TBC1D19: variants seen among roughly 807,000 people sequenced by gnomAD.
TBC1D19 encodes the protein TBC1 domain family, member 19.
Under a neutral mutation model 89.0 loss-of-function variants are expected in TBC1D19, and 60 were observed. The ratio of observed to expected loss-of-function variants is 0.67; its 90% CI spans 0.55 to 0.84. The LOEUF is 0.84. Among genes scored for constraint, TBC1D19 ranks in the 40% least tolerant of loss-of-function variants. TBC1D19 has a pLI of 0.00. For missense variants in TBC1D19, 500 were observed against 610.8 expected, an observed-to-expected ratio of 0.82 and a Z score of 1.91; for synonymous variants, 189 against 199.7, an observed-to-expected ratio of 0.95 and a Z score of 0.45.
At chr4:26,750,849 T>C (rs893112840) in intron 19 of TBC1D19, among the ~76,000 whole-genome samples, 4 of 152,230 alleles carry the variant, frequency 2.6e-5, no homozygotes, top group African/African-American at 9.7e-5. Flanking sequence ...CGTATACTTT[T>C]GGTATGAGTA....
chr4:26,848,752 C>A, the TBC1D19 span, among the ~76,000 whole-genome samples: 1 of 152,176 alleles, frequency 6.6e-6, no homozygotes, highest in African/African-American at 2.4e-5. Flanking sequence ...CCTGTCCCAC[C>A]CATTTCTTCT....
At chr4:26,696,502 G>A (rs909966857) in intron 13 of TBC1D19, among the ~76,000 whole-genome samples, 3 of 152,150 alleles carry the variant, frequency 2.0e-5, no homozygotes, top group African/African-American at 7.2e-5. Flanking sequence ...TCTGCATCAA[G>A]CAGACCTAAC....
intron 13 of TBC1D19, among the ~76,000 whole-genome samples, chr4:26,714,921 T>C (rs965890359): frequency 9.9e-5 from 15 of 152,040 alleles, no homozygotes; most frequent in Admixed American, 6.6e-5. Flanking sequence ...CACTACTCAG[T>C]TGTCTAGGCT....
At chr4:26,788,825 A>G in the TBC1D19 span, among the ~76,000 whole-genome samples, 2 of 152,122 alleles carry the variant, frequency 1.3e-5, no homozygotes, top group Non-Finnish European at 2.9e-5. Flanking sequence ...TCTAGAGACA[A>G]GTATTTGCAG....
Position 26,748,520 on chromosome 4 carries a change from CT to C in TBC1D19, c.1431del (p.Ala478LeufsTer13). On this transcript the variant is annotated frameshift_variant, in exon 19 of 21. Transcript: ENST00000264866. LOFTEE classifies it high-confidence loss of function. ...RILGYNSLEILAVLAAAVFAF... is the reference protein window; with the variant it reads ...RILGYNSLEIXAVLAAAVFAF... ...CCTAGGATACAACTCTCTGGAAATT[CT>C]TGCTGGTAAGAGTAAATGCTTGTTT... 6.2e-7 allele frequency: 1 copy of C among 1,610,422 alleles called. No individual in the cohort carries two copies.
At position 26,666,765 on chromosome 4, in the gene TBC1D19, C is replaced by T. The variant is rs555591079; in HGVS notation, c.664+360C>T. ...AACACTGACGTCTACCTTGAGTCAACTTAGGCTTTAAAAATAGTGTGTTTT... is the reference window on the plus strand; with the variant it reads ...AACACTGACGTCTACCTTGAGTCAATTTAGGCTTTAAAAATAGTGTGTTTT... On this transcript the variant is annotated intron_variant, in intron 9 of 20. Transcript: ENST00000264866. Among the ~76,000 whole-genome samples the T allele has an allele frequency of 1.1e-4, 16 of 152,118 alleles. No homozygotes were observed. The East Asian group carries it at 2.7e-3, about 26-fold the overall frequency.
At chr4:26,635,559 C>T (rs913721959) in intron 4 of TBC1D19, among the ~76,000 whole-genome samples, 3 of 152,124 alleles carry the variant, frequency 2.0e-5, no homozygotes, top group Non-Finnish European at 4.4e-5. Flanking sequence ...GAACTTTATA[C>T]ATTTCACATA....
rs758621840 is a variant in TBC1D19, at chr4:26,754,992, A to G, written c.*45A>G. On this transcript the variant is annotated 3_prime_UTR_variant, in exon 21 of 21. Transcript: ENST00000264866. ...CAACACATCTAGTTTTTCATTAGAA[A>G]CAAATCATGAACTATGCAAACTCTG... 1.3e-6 allele frequency: 2 copies of G among 1,551,448 alleles called. No individual in the cohort carries two copies. The highest frequency in any genetic ancestry group is 2.4e-5 in the South Asian group (2 of 84,686).
At chr4:26,650,104 G>A (rs1744258257) in intron 7 of TBC1D19, among the ~76,000 whole-genome samples, 1 of 152,104 alleles carries the variant, frequency 6.6e-6, no homozygotes, top group South Asian at 2.1e-4. Context: ...TCTTAATCCA[G>A]ACTACCATTG....
intron 13 of TBC1D19, among the ~76,000 whole-genome samples, chr4:26,709,120 A>C (rs141097775): frequency 6.6e-6 from 1 of 151,734 alleles, no homozygotes; most frequent in African/African-American, 2.4e-5. Flanking sequence ...TTTTCTTCCC[A>C]GCGTTTTTGT....
chr4:26,647,945 A>T (rs2109034438), intron 7 of TBC1D19, among the ~76,000 whole-genome samples: 1 of 151,938 alleles, frequency 6.6e-6, no homozygotes, highest in South Asian at 2.1e-4. Flanking sequence ...CATACTATTG[A>T]TTTATTTTGC....
At chr4:26,649,754 C>T (rs1162880151) in intron 7 of TBC1D19, among the ~76,000 whole-genome samples, 2 of 151,518 alleles carry the variant, frequency 1.3e-5, no homozygotes, top group African/African-American at 2.4e-5. Flanking sequence ...GGTACATGTG[C>T]ACAACGTGCA....
intron 7 of TBC1D19, among the ~76,000 whole-genome samples, chr4:26,641,980 A>G (rs1416415766): frequency 1.3e-5 from 2 of 152,222 alleles, no homozygotes; most frequent in African/African-American, 2.4e-5. Flanking sequence ...TGACAAGGAG[A>G]ATGGAACCAA....
intron 19 of TBC1D19, among the ~76,000 whole-genome samples, chr4:26,750,216 C>G (rs553367157): frequency 1.3e-5 from 2 of 152,166 alleles, no homozygotes; most frequent in East Asian, 1.9e-4. Context: ...AGCTAAGTAG[C>G]CTTGTTTTCT....
the TBC1D19 span, among the ~76,000 whole-genome samples, chr4:26,846,478 T>C: frequency 6.6e-6 from 1 of 152,178 alleles, no homozygotes; most frequent in Non-Finnish European, 1.5e-5. Context: ...GTAAGAGCTT[T>C]TTCAAATCTA....
chr4:26,840,039 G>A, the TBC1D19 span, among the ~76,000 whole-genome samples: 1 of 151,974 alleles, frequency 6.6e-6, no homozygotes, highest in Non-Finnish European at 1.5e-5. Context: ...TGGTTTTTAT[G>A]AGAATGTTTA....
the TBC1D19 span, among the ~76,000 whole-genome samples, chr4:26,837,322 G>C: frequency 6.6e-6 from 1 of 152,180 alleles, no homozygotes; most frequent in Non-Finnish European, 1.5e-5. Flanking sequence ...TTAGTGGTGA[G>C]TGTGATGAGT....
At chr4:26,583,206 G>A (rs370447674), upstream of TBC1D19, among the ~76,000 whole-genome samples, 668 of 152,104 alleles carry the variant, frequency 4.4e-3, 1 homozygote, top group Non-Finnish European at 6.4e-3. Context: ...CCTTTTTTGG[G>A]GGGGGAAGGG....
At chr4:26,584,026 A>G, upstream of TBC1D19, 1 of 649,418 alleles carries the variant, frequency 1.5e-6, no homozygotes, top group Non-Finnish European at 2.6e-6. Context: ...TGAGGGGACC[A>G]GAGAGGGACG....
Sources: gnomAD v4.1 joint callset for allele counts (sites outside exome capture counted in the v4.1 genomes callset) on GRCh38, gnomAD v4.1.1 for gene constraint, MANE v1.5 for transcripts, NCBI Gene and HGNC (gene_info 2026-07-23, HGNC 2026-07-21) for gene names.